Variants in RHOBTB3 observed in about 807,000 individuals in gnomAD.
The protein encoded by RHOBTB3 is rho-related BTB domain-containing protein 3.
In RHOBTB3, 47 loss-of-function variants were observed where a neutral mutation model predicts 67.2. The ratio of observed to expected loss-of-function variants is 0.70; its 90% CI spans 0.55 to 0.89. The LOEUF (loss-of-function observed/expected upper bound fraction) is 0.89. RHOBTB3 is among the 40% of genes least tolerant of loss of function. The pLI is 0.00. For missense variants in RHOBTB3, 631 were observed against 750.0 expected (o/e 0.84, Z 1.85); for synonymous variants, 273 against 274.2 (o/e 1.00, Z 0.04).
intron 3 of RHOBTB3, among the ~76,000 whole-genome samples, chr5:95,741,070 T>C (rs1755581823): frequency 6.6e-6 from 1 of 152,180 alleles, no homozygotes. Flanking sequence ...GGCTCACGCC[T>C]GTAATCCCAG....
intron 4 of RHOBTB3, chr5:95,751,282 A>G (rs1010830044): frequency 3.3e-5 from 5 of 152,184 alleles, no homozygotes; most frequent in Admixed American, 1.3e-4. Context: ...GTGGTTGCCC[A>G]CTGAGAAAAT....
intron 7 of RHOBTB3, among the ~76,000 whole-genome samples, chr5:95,765,811 G>A (rs1367419500): frequency 1.3e-5 from 2 of 152,240 alleles, no homozygotes; most frequent in Non-Finnish European, 1.5e-5. Context: ...ACAGGCGCCC[G>A]CCACCACACC....
chr5:95,789,060 G>T (rs1328855802), intron 11 of RHOBTB3: 1 of 457,144 alleles, frequency 2.2e-6, no homozygotes, highest in African/African-American at 2.1e-5. Flanking sequence ...TGTTACACAA[G>T]AAGTTTTCTA....
At chr5:95,721,844 T>A (rs957537993) in intron 1 of RHOBTB3, among the ~76,000 whole-genome samples, 4 of 152,194 alleles carry the variant, frequency 2.6e-5, no homozygotes, top group African/African-American at 9.7e-5. Context: ...CTAGGTGATC[T>A]ATTAGAATGC....
In RHOBTB3 at chr5:95,731,989, A is replaced by C. The variant is rs768880509; in HGVS notation, c.133A>C (p.Asn45His). 2.4e-5 allele frequency: 38 copies of C among 1,614,040 alleles called. No individual in the cohort carries two copies. The Admixed American group carries it at 6.3e-4, about 27-fold the overall frequency. ...VSGDESSLLL[N>H]AASTVARPVF... Reference sequence around the variant, plus strand: ...CGGGGACGAGAGCAGCTTGTTGCTGAACGCGGCCAGCACGGTCGCGCGTCC... The same window carrying C: ...CGGGGACGAGAGCAGCTTGTTGCTGCACGCGGCCAGCACGGTCGCGCGTCC... The change falls in exon 2 of 12, where the codon AAC becomes CAC. Residue 45 changes from asparagine (N) to histidine (H), a missense_variant. Coordinates refer to ENST00000379982, the MANE Select transcript of RHOBTB3 (RefSeq NM_014899.4).
intron 3 of RHOBTB3, among the ~76,000 whole-genome samples, chr5:95,746,106 T>G (rs1363534852): frequency 6.6e-6 from 1 of 152,050 alleles, no homozygotes; most frequent in Non-Finnish European, 1.5e-5. Context: ...AAAACAAATG[T>G]CTTCAGTGAC....
intron 4 of RHOBTB3, among the ~76,000 whole-genome samples, chr5:95,749,392 T>C (rs769541753): frequency 1.3e-5 from 2 of 152,222 alleles, no homozygotes; most frequent in African/African-American, 2.4e-5. Context: ...TTTGTGTAAA[T>C]GGGTAAAATA....
At chr5:95,780,134 A>G in intron 8 of RHOBTB3, 118 bp from the exon 9 acceptor site, 1 of 690,200 alleles carries the variant, frequency 1.4e-6, no homozygotes, top group South Asian at 2.4e-5. Context: ...TCCCAAATTC[A>G]GATTCTGCAT....
intron 3 of RHOBTB3, among the ~76,000 whole-genome samples, chr5:95,745,387 A>G (rs1340714277): frequency 6.6e-6 from 1 of 152,138 alleles, no homozygotes; most frequent in Non-Finnish European, 1.5e-5. Context: ...TAAATATTGA[A>G]TCTATCTTGA....
At chr5:95,734,332 G>T (rs1406816848) in intron 2 of RHOBTB3, among the ~76,000 whole-genome samples, 2 of 151,970 alleles carry the variant, frequency 1.3e-5, no homozygotes, top group Non-Finnish European at 1.5e-5. Flanking sequence ...TCCAAATGTG[G>T]CTCCAAGCCT....
chr5:95,793,711 T>TA lies in RHOBTB3; in HGVS notation c.*545dup, dbSNP rs113237047. ...ATTGATGACAGTGTTTGAATCATCA[T>TA]AAAAAAAATACCTGCTTTTCATCTG... On this transcript the variant is annotated 3_prime_UTR_variant, in exon 12 of 12. Coordinates refer to ENST00000379982, the MANE Select transcript of RHOBTB3 (RefSeq NM_014899.4). 8.0e-5 allele frequency: 18 copies of TA among 224,592 alleles called. No individual in the cohort carries two copies. The highest frequency in any genetic ancestry group is 1.2e-4 in the South Asian group (2 of 17,182). The allele number at this position is 224,592 out of a possible 1,614,324, so 13.9% of individuals were successfully genotyped here. A position where few individuals can be genotyped will look rare whatever the true frequency, so the allele number is the denominator to read the frequency against.
At chr5:95,789,540 A>G (rs1746314551) in intron 11 of RHOBTB3, 1 of 152,256 alleles carries the variant, frequency 6.6e-6, no homozygotes. Flanking sequence ...ATTATCTAGC[A>G]TAGACTCAAG....
intron 11 of RHOBTB3, among the ~76,000 whole-genome samples, chr5:95,791,260 A>G (rs1004668463): frequency 2.0e-5 from 3 of 152,220 alleles, no homozygotes; most frequent in South Asian, 2.1e-4. Flanking sequence ...GCACAGATAC[A>G]TCAGAACCCA....
chr5:95,753,938 C>T (rs559431659), intron 5 of RHOBTB3, among the ~76,000 whole-genome samples: 4 of 152,120 alleles, frequency 2.6e-5, no homozygotes, highest in Non-Finnish European at 4.4e-5. Context: ...GGTGAAACCC[C>T]GTTTCTACTA....
chr5:95,732,232 C>T (rs41276255), intron 2 of RHOBTB3, 148 bp downstream of exon 2: 44,381 of 733,714 alleles, frequency 0.06, 1,558 homozygotes, highest in Middle Eastern at 0.089. Flanking sequence ...AATCTTTGGT[C>T]CTTTGTTTCA....
In RHOBTB3 at chr5:95,795,649, A is replaced by G. The variant is rs1403075661; in HGVS notation, c.*2475A>G. 1.3e-5 allele frequency: 2 copies of G among 152,270 alleles called. No homozygotes were observed. Among genetic ancestry groups the G allele is most frequent in the African/African-American group, 4.8e-5 (2 of 41,470 alleles). 9.4% of individuals were successfully genotyped at this position (152,270 alleles called of 1,614,324 possible). On this transcript the variant is annotated 3_prime_UTR_variant, in exon 12 of 12. Transcript: ENST00000379982. ...ACCTACCTGTGTGAGTGACACCAAC[A>G]TCCAGATGTCACAGCTCTCCAGAGC...
At chr5:95,770,684 G>C (rs897577425) in intron 8 of RHOBTB3, 1 of 484,270 alleles carries the variant, frequency 2.1e-6, no homozygotes, top group Admixed American at 2.0e-5. Flanking sequence ...GCGGTAGGTG[G>C]GATGGGAGGT....
At chr5:95,736,746 G>T in intron 2 of RHOBTB3, 143 bp from the exon 3 acceptor site, 1 of 563,856 alleles carries the variant, frequency 1.8e-6, no homozygotes, top group Non-Finnish European at 3.0e-6. Flanking sequence ...AAAGAGAGTT[G>T]GCAGACTGCA....
intron 9 of RHOBTB3, chr5:95,783,561 CAAAAAA>C (rs201633409): frequency 2.6e-3 from 282 of 107,624 alleles, no homozygotes; most frequent in South Asian, 3.5e-3. Flanking sequence ...CCTGTCTCTA[CAAAAAA>C]AAAAAAAAAA....
Sources: gnomAD v4.1 joint callset for allele counts (sites outside exome capture counted in the v4.1 genomes callset) on GRCh38, gnomAD v4.1.1 for gene constraint, MANE v1.5 for transcripts, NCBI Gene and HGNC (gene_info 2026-07-23, HGNC 2026-07-21) for gene names.